Variants in VWC2L observed in about 807,000 individuals in gnomAD.
VWC2L encodes the protein von Willebrand factor C domain-containing protein 2-like.
A neutral mutation model predicts 21.6 loss-of-function variants in VWC2L; 10 were observed. The ratio of observed to expected loss-of-function variants is 0.46; its 90% CI spans 0.29 to 0.78. The LOEUF is 0.78. Among genes scored for constraint, VWC2L ranks in the 30% least tolerant of loss-of-function variants. VWC2L has a pLI of 0.10. For synonymous variants in VWC2L, 96 were observed against 94.3 expected, an observed-to-expected ratio of 1.02 and a Z score of -0.10; for missense variants, 209 against 277.1, an observed-to-expected ratio of 0.75 and a Z score of 1.74.
chr2:214,478,434 G>C (rs921882438), intron 3 of VWC2L, among the ~76,000 whole-genome samples: 10 of 150,860 alleles, frequency 6.6e-5, no homozygotes, highest in Middle Eastern at 3.4e-3. Flanking sequence ...AGCGGAGATC[G>C]CGCCACTGCA....
intron 3 of VWC2L, among the ~76,000 whole-genome samples, chr2:214,535,085 A>G (rs980379780): frequency 2.0e-5 from 3 of 152,144 alleles, no homozygotes; most frequent in African/African-American, 7.2e-5. Context: ...CAGTATTTCA[A>G]AAATGATCCT....
At chr2:214,462,196 G>C (rs1479106888) in intron 3 of VWC2L, among the ~76,000 whole-genome samples, 1 of 152,126 alleles carries the variant, frequency 6.6e-6, no homozygotes, top group East Asian at 1.9e-4. Context: ...TTCCTTTCTT[G>C]AGCAATACAA....
chr2:214,573,106 A>T (rs1023851197), intron 3 of VWC2L, among the ~76,000 whole-genome samples: 2 of 152,144 alleles, frequency 1.3e-5, no homozygotes, highest in African/African-American at 4.8e-5. Flanking sequence ...CTCTAGTAAA[A>T]TATCCCTTCA....
intron 3 of VWC2L, among the ~76,000 whole-genome samples, chr2:214,538,304 C>T (rs1310012509): frequency 6.6e-6 from 1 of 152,054 alleles, no homozygotes; most frequent in African/African-American, 2.4e-5. Context: ...TAGACAGTCT[C>T]CTACACACTA....
chr2:214,553,355 A>G (rs956171091), intron 3 of VWC2L, among the ~76,000 whole-genome samples: 2 of 152,238 alleles, frequency 1.3e-5, no homozygotes, highest in African/African-American at 4.8e-5. Context: ...TCGATTTTAT[A>G]TATTTTAGAG....
chr2:214,455,514 C>T (rs115620864), intron 3 of VWC2L, among the ~76,000 whole-genome samples: 3,606 of 152,250 alleles, frequency 0.024, 65 homozygotes, highest in Non-Finnish European at 0.035. Flanking sequence ...ATATTCATCG[C>T]CACTAGCATT....
intron 2 of VWC2L, among the ~76,000 whole-genome samples, chr2:214,428,571 C>T (rs1702557781): frequency 6.6e-6 from 1 of 152,060 alleles, no homozygotes; most frequent in African/African-American, 2.4e-5. Flanking sequence ...CATAAGCCAT[C>T]TCAATATATT....
At chr2:214,527,674 AG>A (rs1414854298) in intron 3 of VWC2L, among the ~76,000 whole-genome samples, 1 of 152,156 alleles carries the variant, frequency 6.6e-6, no homozygotes, top group African/African-American at 2.4e-5. Context: ...ATGGTAAAGG[AG>A]ATGTCTTTCC....
At chr2:214,553,242 CT>C (rs1689821993) in intron 3 of VWC2L, among the ~76,000 whole-genome samples, 4 of 152,222 alleles carry the variant, frequency 2.6e-5, no homozygotes, top group Non-Finnish European at 5.9e-5. Context: ...CAGTCGAACT[CT>C]GTAAGATATT....
chr2:214,507,434 T>C (rs1465036364), intron 3 of VWC2L, among the ~76,000 whole-genome samples: 1 of 152,226 alleles, frequency 6.6e-6, no homozygotes, highest in East Asian at 1.9e-4. Flanking sequence ...TTTTCACATA[T>C]ATTACCATAT....
At chr2:214,573,302 C>T (rs756779387) in intron 3 of VWC2L, among the ~76,000 whole-genome samples, 40 of 152,140 alleles carry the variant, frequency 2.6e-4, no homozygotes, top group Admixed American at 7.9e-4. Flanking sequence ...TTCTGACTGT[C>T]GAATATCCAA....
intron 3 of VWC2L, among the ~76,000 whole-genome samples, chr2:214,486,684 A>T (rs1688676895): frequency 6.6e-6 from 1 of 151,998 alleles, no homozygotes; most frequent in Non-Finnish European, 1.5e-5. Flanking sequence ...GACCTTTAAG[A>T]TGTTCTTTAT....
chr2:214,414,443 G>A lies in VWC2L; in HGVS notation c.250G>A (p.Val84Ile). The A allele has an allele frequency of 1.2e-6, 2 of 1,613,544 alleles. No homozygotes were observed. Among genetic ancestry groups the A allele is most frequent in the South Asian group, 1.1e-5 (1 of 91,032 alleles). ...ATGTGTCTGTGCTCTAGATGGACCT[G>A]TTTGCGACCAACCAGAATGCCCTAA... Reference protein sequence around the residue: ...CPCVCALDGPVCDQPECPKIH... With the variant: ...CPCVCALDGPICDQPECPKIH... Residue 84 changes from valine (V) to isoleucine (I), a missense_variant, in exon 2 of 4, where the codon GTT (valine) becomes ATT (isoleucine). Physicochemically the swap from Val to Ile is conservative, Grantham distance 29 (BLOSUM62 3). Coordinates refer to ENST00000312504, the MANE Select transcript of VWC2L (RefSeq NM_001080500.4).
intron 3 of VWC2L, among the ~76,000 whole-genome samples, chr2:214,559,517 C>G (rs544544065): frequency 6.6e-6 from 1 of 152,140 alleles, no homozygotes; most frequent in African/African-American, 2.4e-5. Flanking sequence ...CCACCACTTT[C>G]TTAAGGCACC....
intron 3 of VWC2L, among the ~76,000 whole-genome samples, chr2:214,564,164 A>G (rs1471305948): frequency 6.6e-6 from 1 of 152,238 alleles, no homozygotes; most frequent in Non-Finnish European, 1.5e-5. Flanking sequence ...CAGAGAAATC[A>G]GAGAGGACAC....
intron 2 of VWC2L, among the ~76,000 whole-genome samples, chr2:214,429,227 C>T (rs972176841): frequency 2.6e-5 from 4 of 152,116 alleles, no homozygotes; most frequent in African/African-American, 9.7e-5. Context: ...GTTGCATAAA[C>T]GGGCGATAAA....
At chr2:214,508,713 G>A (rs992053387) in intron 3 of VWC2L, among the ~76,000 whole-genome samples, 23 of 151,698 alleles carry the variant, frequency 1.5e-4, no homozygotes, top group African/African-American at 4.8e-4. Flanking sequence ...AAATTCCAAG[G>A]GCTCCTTCAC....
At chr2:214,556,655 A>G (rs1440908989) in intron 3 of VWC2L, among the ~76,000 whole-genome samples, 1 of 152,186 alleles carries the variant, frequency 6.6e-6, no homozygotes, top group Non-Finnish European at 1.5e-5. Flanking sequence ...TTCATTTTTT[A>G]TGCACACGCT....
chr2:214,515,864 C>G (rs149920333), intron 3 of VWC2L, among the ~76,000 whole-genome samples: 1 of 152,176 alleles, frequency 6.6e-6, no homozygotes, highest in East Asian at 1.9e-4. Flanking sequence ...AGTGAGCCAC[C>G]GTGCCCTGGC....
Sources: allele counts gnomAD v4.1 joint callset (sites outside exome capture counted in the v4.1 genomes callset), GRCh38; gene constraint gnomAD v4.1.1; transcripts MANE v1.5; gene names NCBI Gene and HGNC (gene_info 2026-07-23, HGNC 2026-07-21).